Variants in GTF2H1 observed in about 807,000 individuals in gnomAD.
GTF2H1 encodes BTF2 p62.
A neutral mutation model predicts 71.2 loss-of-function variants in GTF2H1; 16 were observed. That is an observed-to-expected ratio of 0.22 (90% CI 0.15 to 0.34). The LOEUF (loss-of-function observed/expected upper bound fraction) is 0.34. GTF2H1 is among the 10% of genes least tolerant of loss of function. The pLI, the probability that GTF2H1 is intolerant of heterozygous loss-of-function variation, is 1.00. For missense variants in GTF2H1, 498 were observed against 648.2 expected, an observed-to-expected ratio of 0.77 and a Z score of 2.52; for synonymous variants, 215 against 219.0, an observed-to-expected ratio of 0.98 and a Z score of 0.16.
At chr11:18,347,129 T>C (rs150256053) in intron 7 of GTF2H1, 6,105 of 152,602 alleles carry the variant, frequency 0.04, 291 homozygotes, top group East Asian at 0.26. Flanking sequence ...TCCCAGCACT[T>C]TGGGAGGCCA....
chr11:18,336,941 G>A (rs557025441), intron 3 of GTF2H1, among the ~76,000 whole-genome samples: 94 of 152,022 alleles, frequency 6.2e-4, no homozygotes, highest in African/African-American at 2.1e-3. Flanking sequence ...TTTTAATACA[G>A]GGTTTCACCA....
At position 18,347,641 on chromosome 11, in the gene GTF2H1, G is replaced by C; in HGVS notation, c.891G>C (p.Glu297Asp). 1 of 1,611,218 alleles carries C rather than the reference G, an allele frequency of 6.2e-7. No individual in the cohort carries two copies. Among genetic ancestry groups the C allele is most frequent in the Non-Finnish European group, 8.5e-7 (1 of 1,177,390 alleles). Residue 297 changes from glutamate to aspartate, a missense_variant, in exon 8 of 15, where the codon GAG (glutamate) becomes GAC (aspartate). Physicochemically the swap from Glu to Asp is conservative, Grantham distance 45. This residue lies in a region of GTF2H1 where 266 missense variants were observed against 301.6 expected (regional missense o/e 0.88). Transcript: ENST00000265963. ...PSASNSKSIK[E>D]NSNAAIIKRF... The stretch of plus-strand genomic sequence containing the variant: ...CTTCCAATTCTAAATCCATAAAAGA[G>C]AATAGTAATGCTGCCATCATCAAGA...
Position 18,347,668 on chromosome 11 carries a change from A to G in GTF2H1, c.918A>G (p.Arg306=), listed in dbSNP as rs1311288283. The change falls in exon 8 of 15, where the codon AGA becomes AGG. Residue 306 remains arginine (R), a synonymous_variant. Coordinates refer to ENST00000265963, the MANE Select transcript of GTF2H1 (RefSeq NM_005316.4). ...KENSNAAIIK[R]FNHHSAMVLA... The stretch of plus-strand genomic sequence containing the variant: ...ATAGTAATGCTGCCATCATCAAGAG[A>G]TTTAACCATCACAGTGCCATGGTCC... 1.9e-6 allele frequency: 3 copies of G among 1,613,424 alleles called. No homozygotes were observed. Among genetic ancestry groups the G allele is most frequent in the Non-Finnish European group, 2.5e-6 (3 of 1,179,342 alleles).
At chr11:18,339,402 T>C (rs1865104177) in intron 4 of GTF2H1, among the ~76,000 whole-genome samples, 162 bp from the exon 5 acceptor site, 1 of 152,228 alleles carries the variant, frequency 6.6e-6, no homozygotes, top group Non-Finnish European at 1.5e-5. Flanking sequence ...AGTCAGGCTT[T>C]TTTGAGTCCT....
Position 18,341,350 on chromosome 11 carries a change from G to C in GTF2H1, c.697G>C (p.Asp233His). The C allele has an allele frequency of 6.2e-7, 1 of 1,613,988 alleles. No individual in the cohort carries two copies. The highest frequency in any genetic ancestry group is 8.5e-7 in the Non-Finnish European group (1 of 1,179,914). The change falls in exon 6 of 15, where the codon GAT becomes CAT. Residue 233 changes from aspartate (D) to histidine (H), a missense_variant. Asp to His is a moderately conservative substitution (Grantham distance 81, BLOSUM62 -1). Around this residue, in one of 3 missense-constraint regions of GTF2H1, gnomAD observed 216 missense variants for 306.2 expected, o/e 0.71. Coordinates refer to ENST00000265963, the MANE Select transcript of GTF2H1 (RefSeq NM_005316.4). ...RFFQSHYFHRDRLNTGSKDLF... is the reference protein window; with the variant it reads ...RFFQSHYFHRHRLNTGSKDLF... ...TTTCCAGTCCCATTATTTTCACAGG[G>C]ATCGGCTGAATACAGGGTCAAAGGA...
intron 1 of GTF2H1, among the ~76,000 whole-genome samples, chr11:18,325,079 C>T (rs1451103938): frequency 6.6e-6 from 1 of 152,234 alleles, no homozygotes; most frequent in East Asian, 1.9e-4. Flanking sequence ...TCCAAATCTC[C>T]ATTTTTGTAT....
At chr11:18,361,773 A>G (rs953294697) in intron 14 of GTF2H1, among the ~76,000 whole-genome samples, 1 of 152,238 alleles carries the variant, frequency 6.6e-6, no homozygotes, top group Non-Finnish European at 1.5e-5. Context: ...GTAAGGAAAG[A>G]TAGAATTGCC....
chr11:18,345,200 TAAA>T (rs1223324558), intron 7 of GTF2H1, among the ~76,000 whole-genome samples: 3 of 151,648 alleles, frequency 2.0e-5, no homozygotes, highest in African/African-American at 7.3e-5. Context: ...CAAAAAAAAA[TAAA>T]AATATAAATT....
At chr11:18,345,855 T>C (rs1017658110) in intron 7 of GTF2H1, among the ~76,000 whole-genome samples, 1 of 145,140 alleles carries the variant, frequency 6.9e-6, no homozygotes, top group Non-Finnish European at 1.5e-5. Context: ...AGTAGCACCA[T>C]CTCGGCTCAC....
chr11:18,351,297 T>C (rs188469213), intron 9 of GTF2H1, among the ~76,000 whole-genome samples: 1,764 of 151,594 alleles, frequency 0.012, 49 homozygotes, highest in African/African-American at 0.041. Flanking sequence ...TTTTTTTTTT[T>C]TTTTTGATGA....
intron 11 of GTF2H1, among the ~76,000 whole-genome samples, chr11:18,355,465 GTACAACTT>G (rs1269889009): frequency 1.3e-5 from 2 of 150,096 alleles, no homozygotes; most frequent in Non-Finnish European, 3.0e-5. Flanking sequence ...ATTAACCAAG[GTACAACTT>G]AACATACAGT....
intron 1 of GTF2H1, among the ~76,000 whole-genome samples, chr11:18,329,727 T>A (rs1278784521): frequency 6.6e-6 from 1 of 152,192 alleles, no homozygotes; most frequent in Non-Finnish European, 1.5e-5. Flanking sequence ...CCCAAACTAT[T>A]TCCTTTGCCT....
chr11:18,331,966 T>C (rs901157925), intron 1 of GTF2H1, among the ~76,000 whole-genome samples: 2 of 152,020 alleles, frequency 1.3e-5, no homozygotes, highest in Non-Finnish European at 2.9e-5. Context: ...CTCAAGCAAT[T>C]CTCCCCCTTT....
Position 18,335,801 on chromosome 11 carries a change from G to A in GTF2H1, c.202G>A (p.Val68Ile), listed in dbSNP as rs770568182. 1.2e-6 allele frequency: 2 copies of A among 1,613,944 alleles called. No individual in the cohort carries two copies. The highest frequency in any genetic ancestry group is 2.7e-5 in the African/African-American group (2 of 74,904). Residue 68 changes from valine (V) to isoleucine (I), a missense_variant, in exon 3 of 15, where the codon GTC becomes ATC. Physicochemically the swap from Val to Ile is conservative, Grantham distance 29. Transcript: ENST00000265963. ...EGKAKIQLQL[V>I]LHAGDTTNFH... ...AAAAGCTAAAATTCAGCTTCAGCTG[G>A]TCCTACATGCAGGGGACACAACTAA...
chr11:18,355,512 T>C (rs1340212277), intron 11 of GTF2H1, among the ~76,000 whole-genome samples: 1 of 151,900 alleles, frequency 6.6e-6, no homozygotes, highest in Non-Finnish European at 1.5e-5. Flanking sequence ...TACTTATTTA[T>C]TTATTTATTT....
At chr11:18,333,964 A>G (rs1194251961) in intron 2 of GTF2H1, among the ~76,000 whole-genome samples, 2 of 152,228 alleles carry the variant, frequency 1.3e-5, no homozygotes, top group South Asian at 2.1e-4. Flanking sequence ...GGCATGGGCT[A>G]GGTGCAATGG....
At chr11:18,327,271 AATACATAATTATT>A (rs1864789888) in intron 1 of GTF2H1, among the ~76,000 whole-genome samples, 1 of 152,190 alleles carries the variant, frequency 6.6e-6, no homozygotes, top group Non-Finnish European at 1.5e-5. Flanking sequence ...TCTAGTATAA[AATACATAATTATT>A]ATAGATCAGA....
At chr11:18,327,551 TGA>T (rs1272805534) in intron 1 of GTF2H1, among the ~76,000 whole-genome samples, 1 of 152,198 alleles carries the variant, frequency 6.6e-6, no homozygotes, top group Non-Finnish European at 1.5e-5. Flanking sequence ...AACTGGGGAC[TGA>T]GATAATGCCT....
chr11:18,352,223 T>A, intron 10 of GTF2H1, 106 bp from the exon 11 acceptor site: 1 of 659,892 alleles, frequency 1.5e-6, no homozygotes. Flanking sequence ...ACTTATCGTT[T>A]CTTGCCTTGA....
Sources: allele counts gnomAD v4.1 joint callset (sites outside exome capture counted in the v4.1 genomes callset), GRCh38; gene constraint gnomAD v4.1.1; regional missense constraint gnomAD v4.1.1; transcripts MANE v1.5; gene names NCBI Gene and HGNC (gene_info 2026-07-23, HGNC 2026-07-21).